EXOC5: variants seen among roughly 807,000 people sequenced by gnomAD.
EXOC5 encodes the protein SEC10-like 1.
EXOC5 carries 17 observed loss-of-function variants against 90.8 expected under a neutral mutation model. The observed-to-expected ratio is 0.19, with a 90% CI of 0.13 to 0.28. The LOEUF is 0.28. Ranked by LOEUF, EXOC5 falls within the 10% of genes least tolerant of loss-of-function variation. EXOC5 has a pLI of 1.00. For missense variants in EXOC5, 569 were observed against 830.6 expected, an observed-to-expected ratio of 0.69 and a Z score of 3.87; for synonymous variants, 260 against 270.0, an observed-to-expected ratio of 0.96 and a Z score of 0.36.
intron 1 of EXOC5, among the ~76,000 whole-genome samples, chr14:57,265,246 A>G (rs1417062926): frequency 6.6e-6 from 1 of 151,876 alleles, no homozygotes; most frequent in African/African-American, 2.4e-5. Flanking sequence ...AAAGGTACTC[A>G]ACAAATATCT....
At position 57,233,880 on chromosome 14, in the gene EXOC5, C is replaced by T. The variant is rs376504351; in HGVS notation, c.718G>A (p.Ala240Thr). The change falls in exon 9 of 18, where the codon GCT becomes ACT. Residue 240 changes from alanine (A) to threonine (T), a missense_variant. By Grantham distance (58) the Ala-to-Thr change is moderately conservative. This residue lies in a region of EXOC5 where 114 missense variants were observed against 111.2 expected (regional missense o/e 1.03). Transcript: ENST00000621441. The part of the protein sequence containing the change: ...DVYIKQCQEG[A>T]YLRNDIFEDA... ...TCAAATATATCATTTCTCAAATAAG[C>T]ACCCTAAACAGCAGAGACATTTTAT... 277 of 1,609,458 alleles carry T rather than the reference C, an allele frequency of 1.7e-4. 2 individuals carry two copies. In the Middle Eastern group the frequency reaches 2.6e-3, roughly 15 times the overall value.
At chr14:57,254,296 G>A (rs1381771619) in intron 1 of EXOC5, among the ~76,000 whole-genome samples, 1 of 152,074 alleles carries the variant, frequency 6.6e-6, no homozygotes, top group Non-Finnish European at 1.5e-5. Flanking sequence ...TTAGCTCGGT[G>A]TGGTGGCGAG....
At chr14:57,264,866 A>C (rs2139674875) in intron 1 of EXOC5, among the ~76,000 whole-genome samples, 1 of 152,334 alleles carries the variant, frequency 6.6e-6, no homozygotes, top group Non-Finnish European at 1.5e-5. Context: ...AGAGTATAGT[A>C]TCATATATCC....
intron 1 of EXOC5, among the ~76,000 whole-genome samples, chr14:57,254,130 C>T (rs1396413881): frequency 6.6e-6 from 1 of 152,086 alleles, no homozygotes; most frequent in Non-Finnish European, 1.5e-5. Flanking sequence ...GGCCAATAAG[C>T]ACATGAAAAG....
At chr14:57,212,106 C>T (rs950533909) in intron 15 of EXOC5, among the ~76,000 whole-genome samples, 2 of 152,138 alleles carry the variant, frequency 1.3e-5, no homozygotes, top group Non-Finnish European at 2.9e-5. Flanking sequence ...CTCAAGTGAT[C>T]CTCCTGCCTC....
intron 1 of EXOC5, among the ~76,000 whole-genome samples, chr14:57,259,525 C>T (rs1884441216): frequency 6.6e-6 from 1 of 152,176 alleles, no homozygotes; most frequent in Non-Finnish European, 1.5e-5. Context: ...CAAGCCCATG[C>T]TACTCCTGCT....
At chr14:57,225,062 C>CA (rs148617687) in intron 12 of EXOC5, among the ~76,000 whole-genome samples, 1,560 of 142,582 alleles carry the variant, frequency 0.011, 24 homozygotes, top group African/African-American at 0.037. Flanking sequence ...ACTCCGTCTC[C>CA]AAAAAAAAAA....
intron 4 of EXOC5, among the ~76,000 whole-genome samples, chr14:57,242,678 T>C (rs752716477): frequency 1.3e-5 from 2 of 152,224 alleles, no homozygotes; most frequent in African/African-American, 4.8e-5. Context: ...GTGGGTGCTT[T>C]TTCCTTTTCT....
At chr14:57,209,481 C>T in intron 17 of EXOC5, 86 bp downstream of exon 17, 1 of 697,190 alleles carries the variant, frequency 1.4e-6, no homozygotes, top group Non-Finnish European at 2.4e-6. Flanking sequence ...AAACCTTTCA[C>T]TAATTATAAG....
intron 1 of EXOC5, among the ~76,000 whole-genome samples, chr14:57,256,446 C>A (rs1884351763): frequency 6.6e-6 from 1 of 152,092 alleles, no homozygotes. Flanking sequence ...AGTTGCAACT[C>A]CGAGACCAGC....
At chr14:57,251,154 T>C (rs575804433) in intron 1 of EXOC5, among the ~76,000 whole-genome samples, 1 of 152,214 alleles carries the variant, frequency 6.6e-6, no homozygotes, top group Admixed American at 6.5e-5. Flanking sequence ...GTGGTAATTT[T>C]GGTCAATTTC....
intron 14 of EXOC5, among the ~76,000 whole-genome samples, chr14:57,219,077 G>C (rs908098210): frequency 3.9e-5 from 6 of 152,000 alleles, no homozygotes; most frequent in Non-Finnish European, 8.8e-5. Context: ...GTTTGTGACA[G>C]ATTAAATCTT....
intron 11 of EXOC5, among the ~76,000 whole-genome samples, chr14:57,230,189 T>C (rs1258126661): frequency 1.3e-5 from 2 of 152,152 alleles, no homozygotes; most frequent in Admixed American, 1.3e-4. Flanking sequence ...TCCAAATAGG[T>C]TGGCATTCTA....
chr14:57,229,060 G>C (rs1883399742), intron 12 of EXOC5, among the ~76,000 whole-genome samples: 1 of 152,036 alleles, frequency 6.6e-6, no homozygotes, highest in African/African-American at 2.4e-5. Context: ...CTTTCCCTTT[G>C]ATGTTGATGC....
intron 1 of EXOC5, among the ~76,000 whole-genome samples, chr14:57,250,153 T>C (rs1419968515): frequency 6.6e-6 from 1 of 152,126 alleles, no homozygotes; most frequent in Non-Finnish European, 1.5e-5. Context: ...TGTATGCAGC[T>C]AAGTAATAAG....
intron 1 of EXOC5, among the ~76,000 whole-genome samples, chr14:57,254,294 G>C (rs541143335): frequency 3.9e-5 from 6 of 152,184 alleles, no homozygotes; most frequent in Non-Finnish European, 7.4e-5. Flanking sequence ...AATTAGCTCG[G>C]TGTGGTGGCG....
intron 1 of EXOC5, among the ~76,000 whole-genome samples, chr14:57,254,649 C>T (rs1314875297): frequency 6.6e-6 from 1 of 152,136 alleles, no homozygotes; most frequent in Admixed American, 6.5e-5. Context: ...AGGTTGAAGA[C>T]TTAACTCCCA....
intron 1 of EXOC5, among the ~76,000 whole-genome samples, chr14:57,261,568 T>C (rs1030961123): frequency 2.0e-5 from 3 of 152,254 alleles, no homozygotes; most frequent in African/African-American, 4.8e-5. Context: ...TCGGCCTCTG[T>C]TACAGTTATC....
At chr14:57,255,675 T>C (rs1884328674) in intron 1 of EXOC5, among the ~76,000 whole-genome samples, 1 of 151,864 alleles carries the variant, frequency 6.6e-6, no homozygotes, top group Non-Finnish European at 1.5e-5. Flanking sequence ...TCTACTAAAA[T>C]ACAAAAAATT....
Sources: gnomAD v4.1 joint callset for allele counts (sites outside exome capture counted in the v4.1 genomes callset) on GRCh38, gnomAD v4.1.1 for gene constraint, gnomAD v4.1.1 regional missense constraint, MANE v1.5 for transcripts, NCBI Gene and HGNC (gene_info 2026-07-23, HGNC 2026-07-21) for gene names.